Variants in ANK2 observed in about 807,000 individuals in gnomAD.
ANK2 encodes ankyrin 2.
In ANK2, 83 loss-of-function variants were observed where a neutral mutation model predicts 360.5. That is an observed-to-expected ratio of 0.23 (90% confidence interval 0.19 to 0.28). The LOEUF is 0.28. Ranked by LOEUF, ANK2 falls within the 10% of genes least tolerant of loss-of-function variation. The pLI is 1.00. For synonymous variants in ANK2, 1,740 were observed against 1,759.5 expected (o/e 0.99, Z 0.28); for missense variants, 4,201 against 4,795.7 (o/e 0.88, Z 3.66).
chr4:113,099,876 A>G (rs2092506932), intron 1 of ANK2, among the ~76,000 whole-genome samples: 1 of 152,064 alleles, frequency 6.6e-6, no homozygotes, highest in South Asian at 2.1e-4. Flanking sequence ...TGCAGAAATG[A>G]GAGTGTTTTC....
At chr4:113,226,087 A>G (rs1296205216) in intron 4 of ANK2, among the ~76,000 whole-genome samples, 1 of 152,352 alleles carries the variant, frequency 6.6e-6, no homozygotes, top group African/African-American at 2.4e-5. Context: ...TTAAAATACT[A>G]AGATCATATT....
intron 15 of ANK2, 123 bp downstream of exon 15, chr4:113,274,772 A>G (rs1018644818): frequency 1.6e-5 from 16 of 1,013,002 alleles, no homozygotes; most frequent in African/African-American, 3.2e-5. Context: ...TTCCTTCTCT[A>G]CATATTTAAG....
At chr4:113,176,877 G>A (rs993952452) in intron 2 of ANK2, among the ~76,000 whole-genome samples, 2 of 152,030 alleles carry the variant, frequency 1.3e-5, no homozygotes, top group African/African-American at 2.4e-5. Context: ...GAGAACATGC[G>A]GTGTTTGGTT....
intron 1 of ANK2, among the ~76,000 whole-genome samples, chr4:113,072,998 A>G (rs2078330412): frequency 1.8e-5 from 2 of 109,700 alleles, no homozygotes; most frequent in African/African-American, 7.5e-5. Flanking sequence ...GTCTTGCTCC[A>G]TCTCTCAGGC....
At chr4:112,791,492 T>C in the ANK2 span, among the ~76,000 whole-genome samples, 2 of 141,386 alleles carry the variant, frequency 1.4e-5, no homozygotes, top group Non-Finnish European at 3.2e-5. Context: ...TTTTTTTTTT[T>C]TTTTTTTTTT....
At chr4:113,023,178 C>G (rs6849033) in intron 2 of ANK2, among the ~76,000 whole-genome samples, 121,300 of 152,182 alleles carry the variant, frequency 0.8, 48,327 homozygotes, top group South Asian at 0.87. Flanking sequence ...AGAGGGAAAA[C>G]AGAAGTGAGC....
At chr4:112,957,539 C>T (rs2029980279) in intron 2 of ANK2, among the ~76,000 whole-genome samples, 1 of 152,204 alleles carries the variant, frequency 6.6e-6, no homozygotes, top group Admixed American at 6.5e-5. Context: ...GTACACCTCC[C>T]AGACGGGGTG....
Position 113,383,577 on chromosome 4 carries a change from G to A in ANK2, c.*2106G>A, listed in dbSNP as rs2097203364. 6.6e-6 allele frequency: 1 copy of A among 152,528 alleles called. No homozygotes were observed. Among genetic ancestry groups the A allele is most frequent in the South Asian group, 2.1e-4 (1 of 4,820 alleles). The allele number at this position is 152,528 out of a possible 1,614,324, so 9.4% of individuals were successfully genotyped here. On this transcript the variant is annotated 3_prime_UTR_variant, in exon 46 of 46. Coordinates refer to ENST00000357077, the MANE Select transcript of ANK2 (RefSeq NM_001148.6). The stretch of plus-strand genomic sequence containing the variant: ...TGTGAGAAGAAGTGAATTTTCAGTT[G>A]ACGAATCAGCATCTTGTTCCCATGG...
In ANK2 at chr4:113,199,013, G is replaced by A. The variant is rs1398000138; in HGVS notation, c.288G>A (p.Lys96=). The A allele has an allele frequency of 6.2e-7, 1 of 1,611,786 alleles. No homozygotes were observed. Among genetic ancestry groups the A allele is most frequent in the South Asian group, 1.1e-5 (1 of 91,044 alleles). ...TCTATTTTGTTTCTCCAAAACAGAA[G>A]GGAAATACCGCTCTTCACATTGCAT... The part of the protein sequence containing the change: ...RGSSVDSATK[K]GNTALHIASL... Residue 96 remains lysine, a splice_region_variant and synonymous_variant, in exon 4 of 46, where the codon AAG becomes AAA. Coordinates refer to ENST00000357077, the MANE Select transcript of ANK2 (RefSeq NM_001148.6).
Position 113,351,086 on chromosome 4 carries a change from G to A in ANK2, c.4426+837G>A, listed in dbSNP as rs567685473. 4.6e-5 allele frequency among the ~76,000 whole-genome samples: 7 copies of A among 152,160 alleles called. No individual in the cohort carries two copies. In the South Asian group the frequency reaches 1.5e-3, roughly 32 times the overall value. ...TTGGACTATTTCTAGTGACTCTCTGGCTTCTTGTGTGGAAACTCCAGTTGA... is the reference window on the plus strand; with the variant it reads ...TTGGACTATTTCTAGTGACTCTCTGACTTCTTGTGTGGAAACTCCAGTTGA... On this transcript the variant is annotated intron_variant, in intron 37 of 45. Transcript: ENST00000357077.
intron 2 of ANK2, among the ~76,000 whole-genome samples, chr4:112,961,376 C>T (rs146268257): frequency 0.01 from 1,558 of 152,050 alleles, 17 homozygotes; most frequent in Middle Eastern, 0.034. Context: ...GTTTCTATCT[C>T]AGAAATAACT....
At chr4:113,287,155 G>A (rs1488080770) in intron 18 of ANK2, among the ~76,000 whole-genome samples, 1 of 152,128 alleles carries the variant, frequency 6.6e-6, no homozygotes, top group Non-Finnish European at 1.5e-5. Context: ...CTCATTTCCT[G>A]TAACTGTCCA....
chr4:112,722,351 A>G, the ANK2 span, among the ~76,000 whole-genome samples: 1 of 152,136 alleles, frequency 6.6e-6, no homozygotes, highest in Admixed American at 6.5e-5. Flanking sequence ...CCTAAAACAC[A>G]CACAGGCACA....
Position 113,277,849 on chromosome 4 carries a change from C to A in ANK2, c.1696C>A (p.Pro566Thr). 1 of 1,613,238 alleles carries A rather than the reference C, an allele frequency of 6.2e-7. No homozygotes were observed. The highest frequency in any genetic ancestry group is 1.1e-5 in the South Asian group (1 of 91,036). ...CTCACATTTTCAGAAGGGTTTTACT[C>A]CCCTGCATGTAGCAGCCAAGTATGG... ...HSLATKKGFT[P>T]LHVAAKYGSL... The change falls in exon 16 of 46, where the codon CCC (proline) becomes ACC (threonine). Residue 566 changes from proline (P) to threonine (T), a missense_variant. Pro to Thr is a conservative substitution (Grantham distance 38). This residue lies in a region of ANK2 where 1,268 missense variants were observed against 1,650.8 expected (regional missense o/e 0.77). Transcript: ENST00000357077.
chr4:112,839,955 G>C (rs1266040294), intron 1 of ANK2, among the ~76,000 whole-genome samples: 2 of 152,132 alleles, frequency 1.3e-5, no homozygotes, highest in Non-Finnish European at 2.9e-5. Flanking sequence ...GTACTCTTCT[G>C]TATGTTGAGC....
At chr4:113,011,765 GT>G (rs1249282680) in intron 2 of ANK2, among the ~76,000 whole-genome samples, 2 of 151,924 alleles carry the variant, frequency 1.3e-5, no homozygotes, top group East Asian at 1.9e-4. Context: ...TGCACTTGCT[GT>G]TTTTTTAAGT....
At chr4:112,952,468 T>C (rs1360729381) in intron 2 of ANK2, among the ~76,000 whole-genome samples, 1 of 152,238 alleles carries the variant, frequency 6.6e-6, no homozygotes, top group Non-Finnish European at 1.5e-5. Context: ...TTTTGAGTTG[T>C]CTTTATTGTT....
chr4:112,781,767 T>G, the ANK2 span, among the ~76,000 whole-genome samples: 1 of 151,894 alleles, frequency 6.6e-6, no homozygotes, highest in African/African-American at 2.4e-5. Context: ...CAACGAATTT[T>G]AACAGTGACT....
intron 14 of ANK2, among the ~76,000 whole-genome samples, chr4:113,273,174 C>A (rs1445173415): frequency 6.6e-6 from 1 of 152,026 alleles, no homozygotes; most frequent in Non-Finnish European, 1.5e-5. Flanking sequence ...GAATCCAATG[C>A]CCTGAATTCA....
Sources: gnomAD v4.1 joint callset for allele counts (sites outside exome capture counted in the v4.1 genomes callset) on GRCh38, gnomAD v4.1.1 for gene constraint, gnomAD v4.1.1 regional missense constraint, MANE v1.5 for transcripts, NCBI Gene and HGNC (gene_info 2026-07-23, HGNC 2026-07-21) for gene names.